Variants in GLIS3 observed in about 807,000 individuals in gnomAD.
GLIS3 encodes GLIS family zinc finger 3, also known as zinc finger protein GLIS3.
A neutral mutation model predicts 78.6 loss-of-function variants in GLIS3; 53 were observed. The ratio of observed to expected loss-of-function variants is 0.67; its 90% CI spans 0.54 to 0.85. The LOEUF is 0.85. GLIS3 is among the 40% of genes least tolerant of loss of function. The pLI is 0.00. For missense variants in GLIS3, 1,703 were observed against 1,231.1 expected, an observed-to-expected ratio of 1.38 and a Z score of -5.74; for synonymous variants, 684 against 509.9, an observed-to-expected ratio of 1.34 and a Z score of -4.60.
At chr9:4,375,072 C>G in the GLIS3 span, among the ~76,000 whole-genome samples, 1 of 152,198 alleles carries the variant, frequency 6.6e-6, no homozygotes, top group Non-Finnish European at 1.5e-5. Context: ...TTGCTCTCTG[C>G]TTGATCTTAA....
chr9:4,386,841 T>TC, the GLIS3 span, among the ~76,000 whole-genome samples: 2 of 152,172 alleles, frequency 1.3e-5, no homozygotes. Flanking sequence ...CTGCTTCATC[T>TC]CCCCACTGAG....
exon 4 of GLIS3, chr9:4,308,848 T>G (rs568725700): frequency 1.3e-5 from 2 of 152,226 alleles, no homozygotes; most frequent in African/African-American, 4.8e-5. Context: ...AGAGGCTGAA[T>G]TGAGACAATT....
intron 9 of GLIS3, among the ~76,000 whole-genome samples, chr9:3,849,988 A>C (rs981678116): frequency 2.6e-5 from 4 of 152,208 alleles, no homozygotes; most frequent in Admixed American, 2.6e-4. Flanking sequence ...GTAACGTGAT[A>C]AATGAACCCC....
chr9:4,414,262 G>T, the GLIS3 span, among the ~76,000 whole-genome samples: 2 of 152,208 alleles, frequency 1.3e-5, no homozygotes, highest in Non-Finnish European at 2.9e-5. Context: ...AGATAATCCA[G>T]CATGAGCAAG....
At chr9:3,887,575 T>C (rs1326947787) in intron 7 of GLIS3, among the ~76,000 whole-genome samples, 3 of 152,206 alleles carry the variant, frequency 2.0e-5, no homozygotes, top group Non-Finnish European at 2.9e-5. Flanking sequence ...TCCAAACTTC[T>C]GCGTAGGCTG....
intron 2 of GLIS3, among the ~76,000 whole-genome samples, chr9:4,154,813 G>C (rs1176054538): frequency 1.3e-5 from 2 of 152,062 alleles, no homozygotes; most frequent in African/African-American, 4.8e-5. Context: ...CTACCCTATG[G>C]ACATATTTAG....
intron 2 of GLIS3, among the ~76,000 whole-genome samples, chr9:4,159,225 G>A (rs372546256): frequency 1.7e-4 from 26 of 152,084 alleles, no homozygotes; most frequent in African/African-American, 6.3e-4. Context: ...AACAAATGCG[G>A]GTTGAATGAA....
chr9:4,470,765 A>T, the GLIS3 span, among the ~76,000 whole-genome samples: 49 of 150,898 alleles, frequency 3.2e-4, no homozygotes, highest in Admixed American at 2.9e-3. Flanking sequence ...GCAATAAGGC[A>T]GGAGAAGGAA....
At chr9:3,931,263 T>C (rs1278718508) in intron 6 of GLIS3, among the ~76,000 whole-genome samples, 1 of 152,034 alleles carries the variant, frequency 6.6e-6, no homozygotes, top group Non-Finnish European at 1.5e-5. Flanking sequence ...CGGCTGGCAT[T>C]GTGCTAACAC....
At chr9:4,370,074 C>T in the GLIS3 span, among the ~76,000 whole-genome samples, 1 of 151,676 alleles carries the variant, frequency 6.6e-6, no homozygotes, top group Non-Finnish European at 1.5e-5. Context: ...TGCCTGTTAT[C>T]CCAGCTACTC....
intron 2 of GLIS3, among the ~76,000 whole-genome samples, chr9:4,338,067 G>C (rs568602735): frequency 1.4e-5 from 2 of 140,552 alleles, no homozygotes; most frequent in Non-Finnish European, 3.1e-5. Context: ...TGTGTGTTTA[G>C]TTTTGAAATG....
chr9:4,007,899 G>GT (rs1821687253), intron 4 of GLIS3, among the ~76,000 whole-genome samples: 3 of 93,450 alleles, frequency 3.2e-5, no homozygotes, highest in African/African-American at 6.0e-5. Flanking sequence ...GTGGGCGTTG[G>GT]GGGGGGGGGG....
chr9:4,007,302 C>G (rs1324811366), intron 4 of GLIS3, among the ~76,000 whole-genome samples: 3 of 152,088 alleles, frequency 2.0e-5, no homozygotes, highest in Non-Finnish European at 4.4e-5. Context: ...CAGTAGAGAT[C>G]TGAGCTTTTA....
At chr9:4,181,756 T>C (rs902152086) in intron 2 of GLIS3, among the ~76,000 whole-genome samples, 6 of 152,196 alleles carry the variant, frequency 3.9e-5, no homozygotes, top group Admixed American at 2.0e-4. Flanking sequence ...TTGGAGCTTA[T>C]TGCTGCTGGG....
intron 2 of GLIS3, among the ~76,000 whole-genome samples, chr9:4,194,035 C>A (rs1818568451): frequency 6.6e-6 from 1 of 152,230 alleles, no homozygotes; most frequent in Non-Finnish European, 1.5e-5. Flanking sequence ...TTTGGCCTTG[C>A]CGCTTTATTT....
chr9:3,963,466 G>A (rs577469398), intron 4 of GLIS3, among the ~76,000 whole-genome samples: 4 of 152,210 alleles, frequency 2.6e-5, no homozygotes, highest in African/African-American at 4.8e-5. Flanking sequence ...TCCGAAGTCT[G>A]AGTTATCACA....
At chr9:4,300,703 A>G (rs1817031826), upstream of GLIS3, among the ~76,000 whole-genome samples, 1 of 151,794 alleles carries the variant, frequency 6.6e-6, no homozygotes, top group Non-Finnish European at 1.5e-5. Context: ...CCTCAGCCTC[A>G]TACCCCACCT....
At chr9:3,917,616 A>G (rs1389866068) in intron 6 of GLIS3, among the ~76,000 whole-genome samples, 3 of 151,380 alleles carry the variant, frequency 2.0e-5, no homozygotes, top group Middle Eastern at 3.4e-3. Flanking sequence ...TTTTTTTTCA[A>G]TGCTCTCTAC....
intron 7 of GLIS3, among the ~76,000 whole-genome samples, chr9:3,885,985 C>A: frequency 6.6e-6 from 1 of 152,280 alleles, no homozygotes; most frequent in Non-Finnish European, 1.5e-5. Flanking sequence ...TGGACTGTGA[C>A]GAGGATTATA....
Sources: gnomAD v4.1 joint callset for allele counts (sites outside exome capture counted in the v4.1 genomes callset) on GRCh38, gnomAD v4.1.1 for gene constraint, MANE v1.5 for transcripts, NCBI Gene and HGNC (gene_info 2026-07-23, HGNC 2026-07-21) for gene names.